Variants in THSD7B observed in about 807,000 individuals in gnomAD.
THSD7B encodes the protein thrombospondin type 1 domain containing 7B, also known as thrombospondin type-1 domain-containing protein 7B.
Under a neutral mutation model 213.6 loss-of-function variants are expected in THSD7B, and 138 were observed. That is an observed-to-expected ratio of 0.65 (90% confidence interval 0.56 to 0.74). THSD7B has a LOEUF of 0.74. THSD7B is among the 30% of genes least tolerant of loss of function. The pLI is 0.00. For synonymous variants in THSD7B, 742 were observed against 687.0 expected (o/e 1.08, Z -1.25); for missense variants, 1,931 against 1,991.5 (o/e 0.97, Z 0.58).
At chr2:137,579,678 A>G (rs1344888160) in intron 17 of THSD7B, among the ~76,000 whole-genome samples, 6 of 152,270 alleles carry the variant, frequency 3.9e-5, no homozygotes, top group African/African-American at 1.2e-4. Flanking sequence ...CTTGATGCTC[A>G]AATTCCTAGT....
intron 5 of THSD7B, among the ~76,000 whole-genome samples, chr2:137,147,281 T>A (rs1679721666): frequency 6.6e-6 from 1 of 152,190 alleles, no homozygotes; most frequent in Non-Finnish European, 1.5e-5. Context: ...CACAGAAGAA[T>A]GAACTAATCT....
At chr2:137,338,343 A>G (rs748387214) in intron 12 of THSD7B, among the ~76,000 whole-genome samples, 5 of 152,008 alleles carry the variant, frequency 3.3e-5, no homozygotes, top group Non-Finnish European at 5.9e-5. Flanking sequence ...CAAGCCTGAG[A>G]TGTCATGCCA....
chr2:137,634,492 C>T (rs1682797483), intron 20 of THSD7B, among the ~76,000 whole-genome samples: 2 of 152,152 alleles, frequency 1.3e-5, no homozygotes, highest in Non-Finnish European at 2.9e-5. Context: ...CCTTCTTCGA[C>T]AATCTCTCTA....
chr2:137,321,994 T>TC (rs1279045507), intron 12 of THSD7B, among the ~76,000 whole-genome samples: 1 of 152,248 alleles, frequency 6.6e-6, no homozygotes, highest in Non-Finnish European at 1.5e-5. Context: ...TTTTAGGCAC[T>TC]CCAAGACTCT....
chr2:137,389,339 G>A lies in THSD7B; in HGVS notation c.2501-16274G>A, dbSNP rs1685966575. On this transcript the variant is annotated intron_variant, in intron 12 of 27. Transcript: ENST00000409968. ...TTAACTATTTTTCAATATACCTCTTGGCTAATTGTTTGTCTTTATTTGAGA... is the reference window on the plus strand; with the variant it reads ...TTAACTATTTTTCAATATACCTCTTAGCTAATTGTTTGTCTTTATTTGAGA... Among the ~76,000 whole-genome samples, 3 of 144,196 alleles carry A rather than the reference G, an allele frequency of 2.1e-5. No individual in the cohort carries two copies. The Admixed American group carries it at 2.1e-4, about 10-fold the overall frequency. 94.6% of individuals were successfully genotyped at this position (144,196 alleles called of 152,430 possible).
intron 6 of THSD7B, among the ~76,000 whole-genome samples, chr2:137,164,096 G>A (rs1012359623): frequency 2.6e-5 from 4 of 152,086 alleles, no homozygotes; most frequent in Non-Finnish European, 5.9e-5. Context: ...CAAGTTATGG[G>A]GCATGGGATG....
chr2:136,988,806 G>A (rs1014698823), intron 2 of THSD7B, among the ~76,000 whole-genome samples: 4 of 152,160 alleles, frequency 2.6e-5, no homozygotes, highest in African/African-American at 7.2e-5. Flanking sequence ...TTCACTGCCC[G>A]AGTAACTTCT....
chr2:137,202,652 C>A (rs1213345131), intron 7 of THSD7B, among the ~76,000 whole-genome samples: 2 of 152,118 alleles, frequency 1.3e-5, no homozygotes, highest in East Asian at 3.9e-4. Context: ...TTTGTTATAG[C>A]AGCTTTGGAA....
intron 20 of THSD7B, among the ~76,000 whole-genome samples, chr2:137,632,432 A>G (rs1163801890): frequency 6.6e-6 from 1 of 152,156 alleles, no homozygotes; most frequent in Non-Finnish European, 1.5e-5. Flanking sequence ...GGTTTTCTCT[A>G]AAAAGGGTGT....
At chr2:137,231,676 T>C (rs889878162) in intron 8 of THSD7B, among the ~76,000 whole-genome samples, 2 of 152,170 alleles carry the variant, frequency 1.3e-5, no homozygotes, top group African/African-American at 4.8e-5. Flanking sequence ...AACTACCTGA[T>C]CCGTGCATGC....
intron 15 of THSD7B, among the ~76,000 whole-genome samples, chr2:137,478,562 T>G (rs1183083976): frequency 6.6e-6 from 1 of 152,188 alleles, no homozygotes; most frequent in African/African-American, 2.4e-5. Flanking sequence ...TTTCAAAAAT[T>G]TCATATTTTT....
intron 2 of THSD7B, among the ~76,000 whole-genome samples, chr2:136,889,826 G>A (rs1273197557): frequency 1.3e-5 from 2 of 152,204 alleles, no homozygotes; most frequent in South Asian, 2.1e-4. Flanking sequence ...TTTTGCTCTC[G>A]ATCATCTTGA....
intron 8 of THSD7B, among the ~76,000 whole-genome samples, chr2:137,232,126 TG>T (rs1398614761): frequency 2.0e-5 from 3 of 152,208 alleles, no homozygotes; most frequent in Non-Finnish European, 4.4e-5. Context: ...CCTGGGCATT[TG>T]GGCCACTGAA....
At chr2:137,362,933 A>G (rs1685303699) in intron 12 of THSD7B, among the ~76,000 whole-genome samples, 1 of 152,192 alleles carries the variant, frequency 6.6e-6, no homozygotes, top group African/African-American at 2.4e-5. Flanking sequence ...CAGAATACAC[A>G]TTCTTCTCAG....
At chr2:136,771,150 C>A (rs1681498944) in intron 1 of THSD7B, among the ~76,000 whole-genome samples, 1 of 152,040 alleles carries the variant, frequency 6.6e-6, no homozygotes, top group African/African-American at 2.4e-5. Flanking sequence ...TTCTAGTCTT[C>A]AGAATTAACT....
At chr2:137,163,084 C>T (rs984144402) in intron 6 of THSD7B, among the ~76,000 whole-genome samples, 5 of 152,098 alleles carry the variant, frequency 3.3e-5, no homozygotes, top group East Asian at 1.9e-4. Flanking sequence ...CCGGATAATT[C>T]GGAACTGGCC....
intron 2 of THSD7B, among the ~76,000 whole-genome samples, chr2:136,973,413 T>C (rs528943575): frequency 6.6e-6 from 1 of 152,320 alleles, no homozygotes; most frequent in East Asian, 1.9e-4. Flanking sequence ...TTTTGGCAAA[T>C]AAATTTAGAG....
intron 5 of THSD7B, among the ~76,000 whole-genome samples, chr2:137,115,727 G>T (rs193000861): frequency 3.3e-5 from 5 of 152,216 alleles, no homozygotes; most frequent in Admixed American, 3.3e-4. Context: ...CCAGGGTTTT[G>T]TCGCCAAGTT....
At chr2:137,512,700 A>G (rs1297439247) in intron 15 of THSD7B, among the ~76,000 whole-genome samples, 1 of 151,830 alleles carries the variant, frequency 6.6e-6, no homozygotes, top group Non-Finnish European at 1.5e-5. Context: ...GGCCTTATTC[A>G]CTACTTTTAA....
Sources: allele counts gnomAD v4.1 joint callset (sites outside exome capture counted in the v4.1 genomes callset), GRCh38; gene constraint gnomAD v4.1.1; transcripts MANE v1.5; gene names NCBI Gene and HGNC (gene_info 2026-07-23, HGNC 2026-07-21).